The following VWA3B variants were observed in gnomAD, a reference collection of about 807,000 sequenced individuals.
VWA3B encodes the protein von Willebrand factor A domain-containing protein 3B.
In VWA3B, 138 loss-of-function variants were observed where a neutral mutation model predicts 158.3. That is an observed-to-expected ratio of 0.87 (90% confidence interval 0.76 to 1.00). VWA3B has a LOEUF of 1.00. VWA3B is among the 50% of genes least tolerant of loss of function. The pLI is 0.00. For missense variants in VWA3B, 1,555 were observed against 1,565.1 expected (o/e 0.99, Z 0.11); for synonymous variants, 596 against 587.3 (o/e 1.01, Z -0.21).
In VWA3B at chr2:98,093,112, C is replaced by T. The variant is rs746943388; in HGVS notation, c.20C>T (p.Ser7Phe). 10 of 1,613,892 alleles carry T rather than the reference C, an allele frequency of 6.2e-6. No individual in the cohort carries two copies. In the East Asian group the frequency reaches 2.0e-4, roughly 32 times the overall value. ...TCAGAGATGGAGAAATCAGGCCCATCTTCTACCATCTCTGAGCAGCAGCTG... is the reference window on the plus strand; with the variant it reads ...TCAGAGATGGAGAAATCAGGCCCATTTTCTACCATCTCTGAGCAGCAGCTG... MEKSGP[S>F]STISEQQLQR... Residue 7 changes from serine to phenylalanine, a missense_variant, in exon 2 of 28, where the codon TCT (serine) becomes TTT (phenylalanine). Coordinates refer to ENST00000477737, the MANE Select transcript of VWA3B (RefSeq NM_144992.5).
At chr2:98,169,557 A>C (rs1426921728) in intron 8 of VWA3B, among the ~76,000 whole-genome samples, 1 of 152,220 alleles carries the variant, frequency 6.6e-6, no homozygotes, top group African/African-American at 2.4e-5. Flanking sequence ...AAAACTTACC[A>C]GTGTGTACAC....
chr2:98,169,690 C>A (rs566130883), intron 8 of VWA3B, among the ~76,000 whole-genome samples: 21 of 147,468 alleles, frequency 1.4e-4, no homozygotes, highest in African/African-American at 4.5e-4. Flanking sequence ...TGTTCAGAGA[C>A]GTGGGTGGGA....
At chr2:98,227,094 G>A (rs1048235647) in intron 14 of VWA3B, among the ~76,000 whole-genome samples, 16 of 152,198 alleles carry the variant, frequency 1.1e-4, no homozygotes, top group Admixed American at 6.5e-5. Flanking sequence ...AGGAAGAGAA[G>A]AAGTCAAATT....
intron 2 of VWA3B, among the ~76,000 whole-genome samples, chr2:98,111,532 C>A (rs1457622396): frequency 6.6e-6 from 1 of 152,126 alleles, no homozygotes; most frequent in Non-Finnish European, 1.5e-5. Flanking sequence ...TATAAGCATT[C>A]CCTTTTCTCC....
intron 7 of VWA3B, among the ~76,000 whole-genome samples, chr2:98,136,541 C>T (rs1255810897): frequency 6.6e-6 from 1 of 151,224 alleles, no homozygotes; most frequent in Non-Finnish European, 1.5e-5. Context: ...CGGTGCCTTG[C>T]TGCTGTATCT....
At chr2:98,288,545 A>G (rs923187940) in intron 22 of VWA3B, among the ~76,000 whole-genome samples, 1 of 152,228 alleles carries the variant, frequency 6.6e-6, no homozygotes, top group Non-Finnish European at 1.5e-5. Context: ...TATAGAAAAT[A>G]AAGACATTCT....
intron 6 of VWA3B, among the ~76,000 whole-genome samples, chr2:98,129,224 A>AGAGAGTGTGT (rs1370543551): frequency 0.02 from 2,447 of 124,548 alleles, 30 homozygotes; most frequent in Middle Eastern, 0.066. Context: ...AGAGAGAGAG[A>AGAGAGTGTGT]GTGTGTGTGT....
chr2:98,326,799 C>T, the VWA3B span, among the ~76,000 whole-genome samples: 1 of 151,654 alleles, frequency 6.6e-6, no homozygotes, highest in African/African-American at 2.4e-5. Flanking sequence ...CAATCTTACA[C>T]AAACTCTTTC....
chr2:98,125,485 G>A lies in VWA3B; in HGVS notation c.703-2754G>A, dbSNP rs1675281967. Among the ~76,000 whole-genome samples the A allele has an allele frequency of 6.6e-6, 1 of 152,202 alleles. No individual in the cohort carries two copies. Among genetic ancestry groups the A allele is most frequent in the South Asian group, 2.1e-4 (1 of 4,830 alleles). ...TTTCCAAGCCTCAGTTTCTTCATCT[G>A]TAAACTGGGCATGGTAATAATTCAT... is the stretch of plus-strand genomic sequence containing the variant. On this transcript the variant is annotated intron_variant, in intron 5 of 27. Transcript: ENST00000477737. This position sits in a 1 kb window ranked among gnomAD's most constrained non-coding sequence, Gnocchi z 4.1.
chr2:98,218,162 A>G, intron 14 of VWA3B, 134 bp downstream of exon 14: 3 of 985,532 alleles, frequency 3.0e-6, no homozygotes, highest in Non-Finnish European at 4.3e-6. Flanking sequence ...GTCGCTTAAC[A>G]ATGAGTGTAC....
At chr2:98,107,598 AG>A (rs766232023) in intron 2 of VWA3B, among the ~76,000 whole-genome samples, 2 of 152,022 alleles carry the variant, frequency 1.3e-5, no homozygotes, top group Non-Finnish European at 2.9e-5. Flanking sequence ...ATATTGTGTG[AG>A]TTGTGGTAGT....
intron 6 of VWA3B, among the ~76,000 whole-genome samples, chr2:98,130,573 AG>A (rs1031703330): frequency 2.2e-4 from 34 of 152,312 alleles, no homozygotes; most frequent in Admixed American, 5.9e-4. Context: ...ACTTGAGATT[AG>A]GGAGTGGTGA....
At chr2:98,237,497 C>T (rs926437935) in intron 19 of VWA3B, among the ~76,000 whole-genome samples, 1 of 152,106 alleles carries the variant, frequency 6.6e-6, no homozygotes, top group Non-Finnish European at 1.5e-5. Context: ...AGGCCGGTCC[C>T]GAGAGGAGAA....
At chr2:98,315,051 A>T (rs540151342), downstream of VWA3B, among the ~76,000 whole-genome samples, 1 of 152,212 alleles carries the variant, frequency 6.6e-6, no homozygotes, top group Non-Finnish European at 1.5e-5. Flanking sequence ...GACAATGAAA[A>T]GTACCAGAAA....
intron 2 of VWA3B, among the ~76,000 whole-genome samples, chr2:98,107,752 CTCTT>C (rs1228266325): frequency 1.3e-5 from 2 of 151,944 alleles, no homozygotes; most frequent in Admixed American, 6.6e-5. Context: ...TATACCTTCT[CTCTT>C]TTTATCTTTG....
chr2:98,259,590 C>A (rs1224617426), intron 21 of VWA3B, among the ~76,000 whole-genome samples: 1 of 151,496 alleles, frequency 6.6e-6, no homozygotes, highest in South Asian at 2.1e-4. Flanking sequence ...TAGTAATGTG[C>A]CTGCTTTCAC....
intron 2 of VWA3B, among the ~76,000 whole-genome samples, chr2:98,102,790 G>A (rs992585399): frequency 3.3e-5 from 5 of 152,156 alleles, no homozygotes; most frequent in African/African-American, 7.2e-5. Context: ...ATTTGTACAC[G>A]ATTGGTATTT....
intron 12 of VWA3B, among the ~76,000 whole-genome samples, chr2:98,211,268 G>T (rs189157050): frequency 6.6e-6 from 1 of 152,330 alleles, no homozygotes; most frequent in East Asian, 1.9e-4. Flanking sequence ...GTTGAAGGAG[G>T]CTTTTGGACA....
At chr2:98,129,249 G>A (rs571376591) in intron 6 of VWA3B, among the ~76,000 whole-genome samples, 332 of 151,010 alleles carry the variant, frequency 2.2e-3, no homozygotes, top group African/African-American at 7.3e-3. Flanking sequence ...GTGTGTGTGT[G>A]TGTGTGTGTG....
Sources: gnomAD v4.1 joint callset for allele counts (sites outside exome capture counted in the v4.1 genomes callset) on GRCh38, gnomAD v4.1.1 for gene constraint, Gnocchi (gnomAD v3.1) non-coding constraint, MANE v1.5 for transcripts, NCBI Gene and HGNC (gene_info 2026-07-23, HGNC 2026-07-21) for gene names.